Variants in GMDS observed in about 807,000 individuals in gnomAD.
GMDS encodes the protein GDP-mannose 4,6 dehydratase.
Under a neutral mutation model 49.9 loss-of-function variants are expected in GMDS, and 20 were observed. That is an observed-to-expected ratio of 0.40 (90% CI 0.28 to 0.58). The LOEUF (loss-of-function observed/expected upper bound fraction) is 0.58, where lower values mean the gene tolerates loss of function less well. Ranked by LOEUF, GMDS falls within the 20% of genes least tolerant of loss-of-function variation. GMDS has a pLI of 0.42. For synonymous variants in GMDS, 177 were observed against 178.6 expected (o/e 0.99, Z 0.07); for missense variants, 362 against 481.4 (o/e 0.75, Z 2.32).
At chr6:2,180,401 T>A (rs894510764) in intron 1 of GMDS, among the ~76,000 whole-genome samples, 13 of 152,222 alleles carry the variant, frequency 8.5e-5, no homozygotes, top group African/African-American at 2.9e-4. Flanking sequence ...AATTCCAAGT[T>A]TGACAATAAA....
At chr6:1,958,193 G>A (rs532477833) in intron 6 of GMDS, among the ~76,000 whole-genome samples, 24 of 150,488 alleles carry the variant, frequency 1.6e-4, no homozygotes, top group South Asian at 6.3e-4. Flanking sequence ...GGTACACAAA[G>A]AGAGAATTAG....
At chr6:1,986,722 T>C (rs1561948580) in intron 4 of GMDS, among the ~76,000 whole-genome samples, 1 of 152,132 alleles carries the variant, frequency 6.6e-6, no homozygotes, top group Non-Finnish European at 1.5e-5. Flanking sequence ...ATGCCATTAG[T>C]TTTGCTTATC....
At chr6:1,716,158 T>C (rs58720499) in intron 9 of GMDS, among the ~76,000 whole-genome samples, 1 of 152,214 alleles carries the variant, frequency 6.6e-6, no homozygotes, top group Non-Finnish European at 1.5e-5. Context: ...AAAAAAAGAT[T>C]AAAAACATCT....
intron 4 of GMDS, among the ~76,000 whole-genome samples, chr6:1,989,334 G>A (rs1351569309): frequency 6.6e-6 from 1 of 152,156 alleles, no homozygotes; most frequent in East Asian, 1.9e-4. Context: ...AAGGTTACAT[G>A]TGCAAATTCC....
At chr6:1,856,122 G>A (rs535101683) in intron 7 of GMDS, among the ~76,000 whole-genome samples, 2 of 152,152 alleles carry the variant, frequency 1.3e-5, no homozygotes, top group African/African-American at 4.8e-5. Context: ...CTGCCTCAGG[G>A]GGTCAGTTTT....
intron 7 of GMDS, among the ~76,000 whole-genome samples, chr6:1,754,362 A>G (rs1767855719): frequency 6.6e-6 from 1 of 152,240 alleles, no homozygotes; most frequent in African/African-American, 2.4e-5. Flanking sequence ...GAATAGACCA[A>G]TAACAAGTTC....
intron 4 of GMDS, among the ~76,000 whole-genome samples, chr6:2,012,799 G>A (rs1023622122): frequency 6.6e-6 from 1 of 152,010 alleles, no homozygotes; most frequent in Non-Finnish European, 1.5e-5. Flanking sequence ...CAACTTAGAG[G>A]AGTCCCCACA....
At chr6:2,074,541 T>C (rs963057614) in intron 4 of GMDS, among the ~76,000 whole-genome samples, 3 of 152,242 alleles carry the variant, frequency 2.0e-5, no homozygotes, top group African/African-American at 7.2e-5. Context: ...ATTTTTGTTT[T>C]AGTTCTCTGT....
chr6:1,881,318 A>C (rs1008694566), intron 7 of GMDS, among the ~76,000 whole-genome samples: 1 of 152,224 alleles, frequency 6.6e-6, no homozygotes, highest in East Asian at 1.9e-4. Flanking sequence ...AATATTTCAC[A>C]CTATATTTTA....
rs373588839 is a variant in GMDS at position 2,110,361 on chromosome 6, C to G, written c.345+5410G>C. Among the ~76,000 whole-genome samples the G allele has an allele frequency of 8.3e-4, 127 of 152,102 alleles. 1 individual carries two copies. In the South Asian group the frequency reaches 1.0e-2, roughly 12 times the overall value. Reference sequence around the variant, plus strand: ...ACCAGGAAAATGTCACTGGAGATGACAGTTCTTTAGCTTAGGTAATTCAGT... The same window carrying G: ...ACCAGGAAAATGTCACTGGAGATGAGAGTTCTTTAGCTTAGGTAATTCAGT... On this transcript the variant is annotated intron_variant, in intron 4 of 10. Transcript: ENST00000380815.
intron 4 of GMDS, among the ~76,000 whole-genome samples, chr6:2,020,130 A>T (rs531585845): frequency 6.6e-6 from 1 of 152,212 alleles, no homozygotes; most frequent in Non-Finnish European, 1.5e-5. Flanking sequence ...GAAAACTGCT[A>T]TGAGCCTTAG....
chr6:1,740,628 C>G (rs1201125874), intron 8 of GMDS, among the ~76,000 whole-genome samples: 3 of 150,382 alleles, frequency 2.0e-5, no homozygotes, highest in Non-Finnish European at 3.0e-5. Flanking sequence ...AAAAAACCCT[C>G]AATTCCAAAC....
At chr6:1,829,179 G>T (rs550029224) in intron 7 of GMDS, among the ~76,000 whole-genome samples, 2 of 152,278 alleles carry the variant, frequency 1.3e-5, no homozygotes, top group South Asian at 2.1e-4. Flanking sequence ...AGGAGTGGCA[G>T]AAGTGGAAGA....
At position 2,054,074 on chromosome 6, in the gene GMDS, C is replaced by T. The variant is rs141625513; in HGVS notation, c.345+61697G>A. ...AAGACACTAAAGTTACAAAAGAATA[C>T]ATTCATTTATCAGGGAAAATGAAGC... is the stretch of plus-strand genomic sequence containing the variant. On this transcript the variant is annotated intron_variant, in intron 4 of 10. Transcript: ENST00000380815. Among the ~76,000 whole-genome samples, 718 of 152,162 alleles carry T rather than the reference C, an allele frequency of 4.7e-3. 9 individuals are homozygous for T. Among genetic ancestry groups the T allele is most frequent in the Middle Eastern group, 0.037 (11 of 294 alleles).
rs77286511 is a variant in GMDS, at chr6:1,945,619, T to C, written c.643+14248A>G. Among the ~76,000 whole-genome samples, 1,098 of 152,184 alleles carry C rather than the reference T, an allele frequency of 7.2e-3. 9 individuals are homozygous for C. Among genetic ancestry groups the C allele is most frequent in the African/African-American group, 0.024 (1,012 of 41,504 alleles). ...ATGACAGTAATGTCTGTGAACCCAATATTCTTCACGCCTGGGGTCATGGCC... is the reference window on the plus strand; with the variant it reads ...ATGACAGTAATGTCTGTGAACCCAACATTCTTCACGCCTGGGGTCATGGCC... On this transcript the variant is annotated intron_variant, in intron 6 of 10. Coordinates refer to ENST00000380815, the MANE Select transcript of GMDS (RefSeq NM_001500.4).
At chr6:2,126,240 G>C (rs1775427987) in intron 1 of GMDS, among the ~76,000 whole-genome samples, 1 of 152,154 alleles carries the variant, frequency 6.6e-6, no homozygotes, top group African/African-American at 2.4e-5. Flanking sequence ...CTGCTCCTCT[G>C]CTTTCTGCCC....
chr6:1,760,052 G>A (rs937609133), intron 7 of GMDS, among the ~76,000 whole-genome samples: 9 of 152,280 alleles, frequency 5.9e-5, no homozygotes, highest in South Asian at 2.1e-4. Context: ...TCACCGGGGC[G>A]GAGCCAGCTG....
intron 1 of GMDS, among the ~76,000 whole-genome samples, chr6:2,159,945 T>A (rs997025682): frequency 6.6e-6 from 1 of 152,172 alleles, no homozygotes; most frequent in South Asian, 2.1e-4. Context: ...TCAACTGTAA[T>A]ATATAAAATA....
In GMDS at chr6:2,124,765, C is replaced by G. The variant is rs1033533; in HGVS notation, c.103-34G>C. On this transcript the variant is annotated intron_variant, in intron 1 of 10. Coordinates refer to ENST00000380815, the MANE Select transcript of GMDS (RefSeq NM_001500.4). ...AAAGAAAAAATTGCAAAACGTCAGT[C>G]TCATAGTGGTATAGAAAGGTGGTCT... 33,200 of 1,553,710 alleles carry G rather than the reference C, an allele frequency of 0.021. 5,689 individuals carry two copies. In the African/African-American group the frequency reaches 0.38, roughly 18 times the overall value.
Sources: gnomAD v4.1 joint callset for allele counts (sites outside exome capture counted in the v4.1 genomes callset) on GRCh38, gnomAD v4.1.1 for gene constraint, MANE v1.5 for transcripts, NCBI Gene and HGNC (gene_info 2026-07-23, HGNC 2026-07-21) for gene names.